The following RABGAP1L variants were observed in gnomAD, a reference collection of about 807,000 sequenced individuals.
RABGAP1L encodes rab GTPase-activating protein 1-like.
Under a neutral mutation model 137.7 loss-of-function variants are expected in RABGAP1L, and 63 were observed. The ratio of observed to expected loss-of-function variants is 0.46; its 90% CI spans 0.37 to 0.56. RABGAP1L has a LOEUF of 0.56. Among genes scored for constraint, RABGAP1L ranks in the 20% least tolerant of loss-of-function variants. RABGAP1L has a pLI of 0.00. For synonymous variants in RABGAP1L, 431 were observed against 433.7 expected (o/e 0.99, Z 0.08); for missense variants, 1,095 against 1,244.0 (o/e 0.88, Z 1.80).
chr1:174,939,809 G>GTCA (rs1392142211), intron 19 of RABGAP1L, among the ~76,000 whole-genome samples: 1 of 152,128 alleles, frequency 6.6e-6, no homozygotes, highest in African/African-American at 2.4e-5. Flanking sequence ...TCAGCTCTGT[G>GTCA]TCATCACATA....
intron 3 of RABGAP1L, among the ~76,000 whole-genome samples, chr1:174,226,771 C>A (rs1670214580): frequency 6.7e-6 from 1 of 149,630 alleles, no homozygotes; most frequent in Admixed American, 6.7e-5. Context: ...TTTTCTTTTT[C>A]CTTTTTTTTT....
intron 13 of RABGAP1L, among the ~76,000 whole-genome samples, chr1:174,428,633 A>G (rs1041351305): frequency 2.0e-5 from 3 of 152,172 alleles, no homozygotes; most frequent in East Asian, 3.8e-4. Flanking sequence ...TTTTTTAAAA[A>G]TTCTACTATT....
intron 18 of RABGAP1L, among the ~76,000 whole-genome samples, chr1:174,785,210 A>C (rs1355953895): frequency 6.6e-6 from 1 of 152,100 alleles, no homozygotes; most frequent in Non-Finnish European, 1.5e-5. Context: ...GATTACAGGC[A>C]TGCGCCGCCA....
At chr1:174,511,626 G>GTT (rs774802995) in intron 13 of RABGAP1L, among the ~76,000 whole-genome samples, 12 of 139,950 alleles carry the variant, frequency 8.6e-5, no homozygotes, top group Non-Finnish European at 1.4e-4. Context: ...TCTTTCTTTT[G>GTT]TTTTTTTTTT....
chr1:174,663,009 TA>T (rs1189484430), intron 14 of RABGAP1L, among the ~76,000 whole-genome samples: 2 of 152,238 alleles, frequency 1.3e-5, no homozygotes, highest in African/African-American at 4.8e-5. Context: ...TAACAGGTTT[TA>T]AAAATTAAAA....
intron 13 of RABGAP1L, among the ~76,000 whole-genome samples, chr1:174,542,653 T>A (rs1665575517): frequency 6.6e-6 from 1 of 152,210 alleles, no homozygotes; most frequent in Non-Finnish European, 1.5e-5. Flanking sequence ...ATGTGTTTGC[T>A]CTTGCTTCTC....
chr1:174,667,989 C>T (rs1289136222), intron 14 of RABGAP1L, among the ~76,000 whole-genome samples: 2 of 152,132 alleles, frequency 1.3e-5, no homozygotes, highest in Non-Finnish European at 2.9e-5. Context: ...GAAAAGTAGT[C>T]TGTAGTCCAG....
At chr1:174,696,529 T>G (rs1281923013) in intron 15 of RABGAP1L, among the ~76,000 whole-genome samples, 1 of 152,122 alleles carries the variant, frequency 6.6e-6, no homozygotes, top group Non-Finnish European at 1.5e-5. Flanking sequence ...CTTTTCAAAT[T>G]TGTTCAGGAC....
chr1:174,704,848 T>C (rs1320010199), intron 17 of RABGAP1L, among the ~76,000 whole-genome samples: 1 of 152,186 alleles, frequency 6.6e-6, no homozygotes, highest in Non-Finnish European at 1.5e-5. Context: ...CGCTATTTTA[T>C]AGGGCAATAC....
chr1:174,349,841 C>T lies in RABGAP1L; in HGVS notation c.1466-21138C>T, dbSNP rs563392097. Among the ~76,000 whole-genome samples the T allele has an allele frequency of 8.8e-5, 12 of 136,650 alleles. No homozygotes were observed. The East Asian group carries it at 1.5e-3, about 17-fold the overall frequency. 89.6% of individuals were successfully genotyped at this position (136,650 alleles called of 152,430 possible). A position where few individuals can be genotyped will look rare whatever the true frequency, so the allele number is the denominator to read the frequency against. On this transcript the variant is annotated intron_variant, in intron 11 of 25. Coordinates refer to ENST00000681986, the MANE Select transcript of RABGAP1L (RefSeq NM_001366446.1). ...GGCGCCCCTCACCTCCCAGACGGGG[C>T]GGCTGGCCGGGCGGGGCGCTGACCC...
At chr1:174,222,193 T>C (rs1377395567) in intron 3 of RABGAP1L, among the ~76,000 whole-genome samples, 2 of 152,132 alleles carry the variant, frequency 1.3e-5, no homozygotes, top group Non-Finnish European at 2.9e-5. Context: ...AGTGAAACCA[T>C]TTTCTAGTAG....
At chr1:174,764,977 T>G (rs191590745) in intron 18 of RABGAP1L, among the ~76,000 whole-genome samples, 48 of 152,334 alleles carry the variant, frequency 3.2e-4, no homozygotes, top group African/African-American at 1.1e-3. Context: ...TGTGAATACC[T>G]GTTACTAATA....
intron 13 of RABGAP1L, among the ~76,000 whole-genome samples, chr1:174,428,460 A>T (rs1652218170): frequency 6.6e-6 from 1 of 152,214 alleles, no homozygotes; most frequent in African/African-American, 2.4e-5. Flanking sequence ...CTAACCCTTT[A>T]TCTCTTCATA....
At chr1:174,326,102 A>G (rs1233754853) in intron 11 of RABGAP1L, among the ~76,000 whole-genome samples, 2 of 152,206 alleles carry the variant, frequency 1.3e-5, no homozygotes, top group African/African-American at 4.8e-5. Context: ...ACAAACCTAG[A>G]CTACAAAGAC....
intron 13 of RABGAP1L, among the ~76,000 whole-genome samples, chr1:174,466,648 G>T (rs369515991): frequency 2.6e-5 from 4 of 152,242 alleles, no homozygotes; most frequent in East Asian, 1.9e-4. Context: ...CTAGCCAGGC[G>T]TGGTGGCACA....
intron 13 of RABGAP1L, among the ~76,000 whole-genome samples, chr1:174,563,876 A>G (rs574275346): frequency 6.6e-6 from 1 of 152,310 alleles, no homozygotes; most frequent in East Asian, 1.9e-4. Flanking sequence ...CCAGCCAGAG[A>G]TTAAAGTCAC....
chr1:174,165,494 CTTTTTTTTT>C (rs36050303), intron 1 of RABGAP1L, among the ~76,000 whole-genome samples: 3 of 140,072 alleles, frequency 2.1e-5, no homozygotes, highest in African/African-American at 7.9e-5. Flanking sequence ...ATTTGAACTA[CTTTTTTTTT>C]TTTTTTTAAT....
chr1:174,852,557 T>C (rs1648552026), intron 19 of RABGAP1L, among the ~76,000 whole-genome samples: 1 of 152,210 alleles, frequency 6.6e-6, no homozygotes, highest in Non-Finnish European at 1.5e-5. Flanking sequence ...CTCACACCTG[T>C]AATCCCAGCA....
chr1:174,613,839 G>A (rs1473757255), intron 13 of RABGAP1L, among the ~76,000 whole-genome samples: 3 of 152,030 alleles, frequency 2.0e-5, no homozygotes, highest in Non-Finnish European at 4.4e-5. Context: ...TTTGATCTTT[G>A]TTGGTGTAAA....
Sources: gnomAD v4.1 joint callset for allele counts (sites outside exome capture counted in the v4.1 genomes callset) on GRCh38, gnomAD v4.1.1 for gene constraint, MANE v1.5 for transcripts, NCBI Gene and HGNC (gene_info 2026-07-23, HGNC 2026-07-21) for gene names.